UNC79: variants seen among roughly 807,000 people sequenced by gnomAD.
The protein encoded by UNC79 is protein unc-79 homolog.
A neutral mutation model predicts 283.1 loss-of-function variants in UNC79; 37 were observed. That is an observed-to-expected ratio of 0.13 (90% CI 0.10 to 0.17). The LOEUF is 0.17. Ranked by LOEUF, UNC79 falls within the 10% of genes least tolerant of loss-of-function variation. The pLI is 1.00. For missense variants in UNC79, 2,272 were observed against 3,211.1 expected, an observed-to-expected ratio of 0.71 and a Z score of 7.07; for synonymous variants, 1,107 against 1,200.2, an observed-to-expected ratio of 0.92 and a Z score of 1.61.
intron 1 of UNC79, among the ~76,000 whole-genome samples, chr14:93,424,235 G>C (rs2055674115): frequency 2.0e-5 from 3 of 152,072 alleles, no homozygotes; most frequent in Admixed American, 2.0e-4. Flanking sequence ...AGAGGATGTG[G>C]AGAAAAGGGA....
chr14:93,529,463 A>T, intron 10 of UNC79, 137 bp downstream of exon 10: 16 of 894,990 alleles, frequency 1.8e-5, no homozygotes, highest in Non-Finnish European at 2.5e-5. Flanking sequence ...ATTGATATGA[A>T]GCATAATATC....
intron 1 of UNC79, among the ~76,000 whole-genome samples, chr14:93,333,985 C>T (rs1488983031): frequency 6.6e-6 from 1 of 152,230 alleles, no homozygotes; most frequent in Admixed American, 6.5e-5. Flanking sequence ...ATTAGCAACT[C>T]TGGGAATTTA....
At chr14:93,535,518 G>A (rs2061026174) in intron 11 of UNC79, among the ~76,000 whole-genome samples, 1 of 152,194 alleles carries the variant, frequency 6.6e-6, no homozygotes, top group South Asian at 2.1e-4. Context: ...GTGGATCAGA[G>A]ATTCGGACAG....
intron 1 of UNC79, among the ~76,000 whole-genome samples, chr14:93,362,086 T>C (rs1444631124): frequency 1.3e-5 from 2 of 152,136 alleles, no homozygotes; most frequent in Non-Finnish European, 2.9e-5. Flanking sequence ...TAGATTTGGT[T>C]TGGTAGTATT....
intron 1 of UNC79, chr14:93,334,480 A>C (rs1180510638): frequency 2.6e-5 from 4 of 152,242 alleles, no homozygotes; most frequent in Non-Finnish European, 4.4e-5. Flanking sequence ...AAAGTGAGAA[A>C]ATATAAAAGA....
At chr14:93,479,926 G>A (rs2058038306) in intron 4 of UNC79, among the ~76,000 whole-genome samples, 2 of 152,186 alleles carry the variant, frequency 1.3e-5, no homozygotes, top group Non-Finnish European at 2.9e-5. Context: ...GATTAATGAG[G>A]AGGCTGTAGC....
upstream of UNC79, chr14:93,333,210 G>A (rs1015938104): frequency 1.2e-5 from 5 of 400,924 alleles, no homozygotes; most frequent in Non-Finnish European, 2.2e-5. Context: ...AGCGGAGTGC[G>A]CGCGCATTAT....
At chr14:93,462,814 T>C (rs4905072) in intron 1 of UNC79, among the ~76,000 whole-genome samples, 83,518 of 151,978 alleles carry the variant, frequency 0.55, 23,252 homozygotes, top group Admixed American at 0.64. Flanking sequence ...AGTAGGTTTC[T>C]TTCTTGGGGG....
rs759052618 is a variant in UNC79 at position 93,622,087 on chromosome 14, T to C, written c.4854T>C (p.Pro1618=). 6 of 1,614,010 alleles carry C rather than the reference T, an allele frequency of 3.7e-6. No homozygotes were observed. In the African/African-American group the frequency reaches 5.3e-5, roughly 14 times the overall value. ...TATCCTCAGATTCAACCTCGGGGCC[T>C]GAAAAACACTCTATACTCTCAACCT... Residue 1618 remains proline (P), a synonymous_variant, in exon 30 of 49, where the codon CCT becomes CCC. Transcript: ENST00000555664.
chr14:93,643,718 T>G, intron 34 of UNC79, 21 bp downstream of exon 37: 1 of 1,611,014 alleles, frequency 6.2e-7, no homozygotes, highest in Non-Finnish European at 8.5e-7. Context: ...GCTTCTGTTT[T>G]GTTTGGTAGG....
intron 1 of UNC79, among the ~76,000 whole-genome samples, chr14:93,431,769 T>A (rs1027528177): frequency 4.6e-5 from 7 of 152,210 alleles, no homozygotes; most frequent in African/African-American, 7.2e-5. Flanking sequence ...AATGACTGAC[T>A]GTGTGCGTGG....
chr14:93,380,326 A>G (rs1338765680), intron 1 of UNC79, among the ~76,000 whole-genome samples: 3 of 152,204 alleles, frequency 2.0e-5, no homozygotes, highest in Non-Finnish European at 4.4e-5. Context: ...AGTAAAAAGT[A>G]TGAAGACTGC....
rs566363886 is a variant in UNC79 at position 93,561,672 on chromosome 14, A to G, written c.1756-10222A>G. On this transcript the variant is annotated intron_variant, in intron 14 of 48. Transcript: ENST00000555664. ...AATGGGAATGAGAATAAGATTGAGT[A>G]TAAAAATAAAGAATAGAACTTCATC... 5.3e-5 allele frequency among the ~76,000 whole-genome samples: 8 copies of G among 152,292 alleles called. No individual in the cohort carries two copies. The East Asian group carries it at 1.5e-3, about 29-fold the overall frequency.
At chr14:93,683,357 G>A (rs749979170) in intron 42 of UNC79, among the ~76,000 whole-genome samples, 2 of 152,220 alleles carry the variant, frequency 1.3e-5, no homozygotes, top group African/African-American at 2.4e-5. Context: ...GGAAAGGGAA[G>A]AGAATATGGC....
chr14:93,703,172 C>G (rs530433058), intron 47 of UNC79, among the ~76,000 whole-genome samples: 8 of 152,308 alleles, frequency 5.3e-5, no homozygotes, highest in African/African-American at 1.9e-4. Flanking sequence ...TCTGCACACT[C>G]CCACCAATGA....
chr14:93,595,503 G>A (rs1281463781), intron 23 of UNC79, among the ~76,000 whole-genome samples: 1 of 152,104 alleles, frequency 6.6e-6, no homozygotes, highest in East Asian at 1.9e-4. Flanking sequence ...GCAACTGCAG[G>A]CAGCCTCATT....
At chr14:93,465,061 G>T (rs2057113949) in intron 1 of UNC79, among the ~76,000 whole-genome samples, 1 of 152,026 alleles carries the variant, frequency 6.6e-6, no homozygotes, top group Admixed American at 6.6e-5. Flanking sequence ...TCTAAAAATG[G>T]TCTTTCATGA....
intron 1 of UNC79, among the ~76,000 whole-genome samples, chr14:93,345,208 A>T (rs945854918): frequency 6.6e-6 from 1 of 152,202 alleles, no homozygotes; most frequent in Admixed American, 6.5e-5. Flanking sequence ...CAGCACATTG[A>T]TTTTGAATTT....
At chr14:93,655,644 G>GAAAAA (rs59172906) in intron 38 of UNC79, among the ~76,000 whole-genome samples, 2 of 81,752 alleles carry the variant, frequency 2.4e-5, no homozygotes, top group African/African-American at 8.3e-5. Context: ...CAGTTGATTT[G>GAAAAA]AAAAAAAAAA....
Sources: allele counts gnomAD v4.1 joint callset (sites outside exome capture counted in the v4.1 genomes callset), GRCh38; gene constraint gnomAD v4.1.1; transcripts MANE v1.5; gene names NCBI Gene and HGNC (gene_info 2026-07-23, HGNC 2026-07-21).